MCF2: variants seen among roughly 807,000 people sequenced by gnomAD.
MCF2 encodes the protein MCF.2 cell line derived transforming sequence, also known as proto-oncogene DBL.
A neutral mutation model predicts 82.5 loss-of-function variants in MCF2; 44 were observed. The observed-to-expected ratio is 0.53, with a 90% CI of 0.42 to 0.69. The LOEUF is 0.69. Ranked by LOEUF, MCF2 falls within the 30% of genes least tolerant of loss-of-function variation. The pLI is 0.00. For missense variants in MCF2, 623 were observed against 663.1 expected (o/e 0.94, Z 0.66); for synonymous variants, 217 against 224.9 (o/e 0.96, Z 0.32).
At chrX:139,636,576 T>C (rs755056840) in intron 1 of MCF2, among the ~76,000 whole-genome samples, 3 of 110,959 alleles carry the variant, frequency 2.7e-5, no homozygotes, top group South Asian at 3.9e-4. Flanking sequence ...GGGAGGATAC[T>C]ATGGGAATAG....
intron 1 of MCF2, among the ~76,000 whole-genome samples, chrX:139,665,980 CACACACACAT>C (rs1191219993): frequency 1.0e-5 from 1 of 96,630 alleles, no homozygotes; most frequent in African/African-American, 3.8e-5. Flanking sequence ...CATATATATA[CACACACACAT>C]ACACACACAC....
chrX:139,670,981 C>A (rs192407014), intron 1 of MCF2, among the ~76,000 whole-genome samples: 7 of 111,425 alleles, frequency 6.3e-5, no homozygotes, highest in Non-Finnish European at 1.3e-4. Context: ...TCTGTTGTTT[C>A]CTGACTTTTT....
At chrX:139,698,723 T>C (rs1935428257) in intron 1 of MCF2, among the ~76,000 whole-genome samples, 1 of 112,002 alleles carries the variant, frequency 8.9e-6, no homozygotes, top group South Asian at 3.8e-4. Context: ...TAGGCAACGA[T>C]GACCAATAAG....
At chrX:139,650,087 G>A (rs1603300134) in intron 2 of MCF2, among the ~76,000 whole-genome samples, 1 of 111,444 alleles carries the variant, frequency 9.0e-6, no homozygotes, top group Non-Finnish European at 1.9e-5. Flanking sequence ...GGGTGCGACG[G>A]CTCATGCCTG....
intron 10 of MCF2, 123 bp downstream of exon 13, chrX:139,614,758 C>A: frequency 1.5e-6 from 1 of 651,994 alleles, no homozygotes. Context: ...ATAAATATGA[C>A]CAAAGATGCT....
chrX:139,705,745 A>G, intron 1 of MCF2, among the ~76,000 whole-genome samples: 1 of 112,385 alleles, frequency 8.9e-6, no homozygotes, highest in Non-Finnish European at 1.9e-5. Context: ...GCTTCTGTAC[A>G]GCAAAAGAAA....
intron 1 of MCF2, among the ~76,000 whole-genome samples, chrX:139,659,219 G>A (rs780569500): frequency 4.5e-5 from 5 of 110,336 alleles, no homozygotes; most frequent in Non-Finnish European, 7.6e-5. Flanking sequence ...CCTGGGAGGC[G>A]GAGGTTGCAG....
chrX:139,658,235 A>G (rs1247378405), intron 1 of MCF2, among the ~76,000 whole-genome samples: 1 of 111,666 alleles, frequency 9.0e-6, no homozygotes, highest in Non-Finnish European at 1.9e-5. Context: ...AAGAATATGT[A>G]AAAGTTCATC....
chrX:139,618,747 T>A (rs1367017068), intron 7 of MCF2, among the ~76,000 whole-genome samples: 1 of 111,602 alleles, frequency 9.0e-6, no homozygotes, highest in South Asian at 3.7e-4. Flanking sequence ...GGCCTTGCTC[T>A]CACATAAAAA....
At chrX:139,654,106 G>A (rs1416859442) in intron 1 of MCF2, among the ~76,000 whole-genome samples, 1 of 111,748 alleles carries the variant, frequency 8.9e-6, no homozygotes, top group Non-Finnish European at 1.9e-5. Context: ...AATAAACATG[G>A]GAGTGTAAAT....
chrX:139,691,687 C>A (rs1296225167), intron 1 of MCF2, among the ~76,000 whole-genome samples: 2 of 83,692 alleles, frequency 2.4e-5, no homozygotes, highest in Non-Finnish European at 4.3e-5. Context: ...GATGACCCAG[C>A]GAGTTCGTGG....
Position 139,617,536 on chromosome X carries a change from T to C in MCF2, c.976A>G (p.Lys326Glu), listed in dbSNP as rs1932009029. 1.7e-6 allele frequency: 2 copies of C among 1,184,136 alleles called. No homozygotes were observed. Among genetic ancestry groups the C allele is most frequent in the Admixed American group, 4.7e-5 (2 of 42,268 alleles). Residue 326 changes from lysine (K) to glutamate (E), a missense_variant, in exon 8 of 25, where the codon AAA becomes GAA. Transcript: ENST00000370576. ...ACCTGCTGTAGGAGTTTATGCATTTTGAAGGTCCTGCTGAGTTGTATCCGT... is the reference window on the plus strand; with the variant it reads ...ACCTGCTGTAGGAGTTTATGCATTTCGAAGGTCCTGCTGAGTTGTATCCGT...
At chrX:139,624,619 C>G (rs1015092781) in intron 6 of MCF2, among the ~76,000 whole-genome samples, 2 of 110,293 alleles carry the variant, frequency 1.8e-5, no homozygotes, top group Non-Finnish European at 3.8e-5. Flanking sequence ...GATTCAAGGG[C>G]ACTAAAGACA....
chrX:139,652,766 C>T (rs1934071071), intron 1 of MCF2, among the ~76,000 whole-genome samples: 1 of 110,958 alleles, frequency 9.0e-6, no homozygotes, highest in East Asian at 2.8e-4. Flanking sequence ...CACAAAGTGC[C>T]TTCAAAGTCC....
In MCF2 at chrX:139,604,781, T is replaced by A. The variant is rs768425351; in HGVS notation, c.1674-31A>T. On this transcript the variant is annotated intron_variant, in intron 14 of 24. Coordinates refer to ENST00000370576, the Ensembl canonical transcript of MCF2. ...AAAATTTCAGAGAAAAAAAATTGCA[T>A]GATTTTATGTGAAATATAATAAACT... The A allele has an allele frequency of 5.4e-6, 6 of 1,116,442 alleles. No individual in the cohort carries two copies. In the Admixed American group the frequency reaches 1.4e-4, roughly 27 times the overall value. The allele number at this position is 1,116,442 out of a possible 1,213,427, so 92.0% of individuals were successfully genotyped here.
intron 1 of MCF2, among the ~76,000 whole-genome samples, chrX:139,665,833 G>GT (rs1448465480): frequency 2.0e-5 from 2 of 102,155 alleles, no homozygotes; most frequent in East Asian, 6.1e-4. Flanking sequence ...GTTTTCATGT[G>GT]TTTTTTATAA....
chrX:139,639,497 A>C (rs1933435700), intron 1 of MCF2, among the ~76,000 whole-genome samples: 1 of 110,787 alleles, frequency 9.0e-6, no homozygotes, highest in Non-Finnish European at 1.9e-5. Context: ...AGCAGCTCTT[A>C]CAGGCTCTTC....
At chrX:139,644,896 A>G (rs1180052910), upstream of MCF2, among the ~76,000 whole-genome samples, 2 of 111,851 alleles carry the variant, frequency 1.8e-5, no homozygotes, top group Non-Finnish European at 3.8e-5. Flanking sequence ...GGGGTCCCTC[A>G]TCTCCCTCCT....
chrX:139,707,815 C>G (rs185237305), intron 1 of MCF2, among the ~76,000 whole-genome samples: 1 of 111,691 alleles, frequency 9.0e-6, no homozygotes, highest in East Asian at 2.8e-4. Flanking sequence ...CCTGCCTTTA[C>G]TTGGGAATCC....
Sources: allele counts gnomAD v4.1 joint callset (sites outside exome capture counted in the v4.1 genomes callset), GRCh38; gene constraint gnomAD v4.1.1; transcripts MANE v1.5; gene names NCBI Gene and HGNC (gene_info 2026-07-23, HGNC 2026-07-21).